The following AUH variants were observed in gnomAD, a reference collection of about 807,000 sequenced individuals.
AUH encodes AU RNA binding methylglutaconyl-CoA hydratase.
Under a neutral mutation model 42.3 loss-of-function variants are expected in AUH, and 29 were observed. The observed-to-expected ratio is 0.69, with a 90% confidence interval of 0.51 to 0.93. AUH has a LOEUF of 0.93. Among genes scored for constraint, AUH ranks in the 40% least tolerant of loss-of-function variants. AUH has a pLI of 0.00. For missense variants in AUH, 452 were observed against 438.1 expected, an observed-to-expected ratio of 1.03 and a Z score of -0.28; for synonymous variants, 174 against 166.4, an observed-to-expected ratio of 1.05 and a Z score of -0.35.
intron 6 of AUH, among the ~76,000 whole-genome samples, chr9:91,282,966 GC>G (rs1826094547): frequency 6.6e-6 from 1 of 152,144 alleles, no homozygotes; most frequent in Non-Finnish European, 1.5e-5. Context: ...ATTTTATGAG[GC>G]CAGCATCATC....
intron 6 of AUH, among the ~76,000 whole-genome samples, chr9:91,288,681 AACT>A (rs1487250578): frequency 2.0e-5 from 3 of 152,170 alleles, no homozygotes; most frequent in Admixed American, 2.0e-4. Context: ...CATCTGATAT[AACT>A]ACTACTTAAG....
chr9:91,217,351 G>GGTCCCTAA (rs1160920225), intron 7 of AUH, 24 bp from the exon 8 acceptor site: 7 of 1,604,178 alleles, frequency 4.4e-6, no homozygotes, highest in Non-Finnish European at 6.0e-6. Context: ...TAAAGAAACA[G>GGTCCCTAA]ACTTCAATTA....
intron 6 of AUH, among the ~76,000 whole-genome samples, chr9:91,275,987 T>C (rs1252876982): frequency 6.6e-6 from 1 of 152,102 alleles, no homozygotes; most frequent in Non-Finnish European, 1.5e-5. Context: ...CTTTCTAAAA[T>C]ACAGCTTCAT....
At chr9:91,340,852 C>T (rs912149123) in intron 3 of AUH, among the ~76,000 whole-genome samples, 3 of 152,088 alleles carry the variant, frequency 2.0e-5, no homozygotes, top group African/African-American at 7.2e-5. Flanking sequence ...CCAGTCTGCA[C>T]CCAGCTTTTA....
chr9:91,283,809 A>C (rs920308146), intron 6 of AUH, among the ~76,000 whole-genome samples: 3 of 152,230 alleles, frequency 2.0e-5, no homozygotes, highest in African/African-American at 7.2e-5. Context: ...AATGAATAAA[A>C]GAGGACACAA....
intron 3 of AUH, among the ~76,000 whole-genome samples, chr9:91,334,903 C>G (rs1286590609): frequency 6.6e-6 from 1 of 152,154 alleles, no homozygotes; most frequent in African/African-American, 2.4e-5. Context: ...GCCAAATAAT[C>G]AGGTCAAGAT....
In AUH at chr9:91,287,559, G is replaced by A. The variant is rs545693563; in HGVS notation, c.655+8462C>T. ...AATATTTGAGGAAGCTGGGTAAAGC[G>A]TACATAAGAGTGATTTATACTATCT... is the stretch of plus-strand genomic sequence containing the variant. On this transcript the variant is annotated intron_variant, in intron 6 of 9. Transcript: ENST00000375731. Among the ~76,000 whole-genome samples the A allele has an allele frequency of 4.6e-5, 7 of 152,212 alleles. No individual in the cohort carries two copies. In the South Asian group the frequency reaches 1.0e-3, roughly 23 times the overall value.
At chr9:91,327,592 T>A (rs984576757) in intron 3 of AUH, among the ~76,000 whole-genome samples, 3 of 152,184 alleles carry the variant, frequency 2.0e-5, no homozygotes, top group African/African-American at 7.2e-5. Flanking sequence ...TTACTCACTC[T>A]CTGGTGTCCA....
At chr9:91,221,116 G>C (rs371395176) in intron 6 of AUH, 124 bp from the exon 7 acceptor site, 3 of 1,055,850 alleles carry the variant, frequency 2.8e-6, no homozygotes, top group African/African-American at 3.2e-5. Flanking sequence ...AAAATTAGTA[G>C]CTGGAAAACT....
intron 4 of AUH, among the ~76,000 whole-genome samples, chr9:91,314,003 G>A (rs1019629453): frequency 1.3e-5 from 2 of 151,720 alleles, no homozygotes; most frequent in South Asian, 2.1e-4. Flanking sequence ...TCTGTACTTC[G>A]AGTAGAGATG....
Position 91,361,608 on chromosome 9 carries a change from G to A in AUH, c.262+20C>T. The A allele has an allele frequency of 6.4e-7, 1 of 1,571,538 alleles. No individual in the cohort carries two copies. Among genetic ancestry groups the A allele is most frequent in the Non-Finnish European group, 8.6e-7 (1 of 1,159,396 alleles). ...AGCGGCCGCCCGCTGCCCCGCGCCT[G>A]CCCAGCGTTCGCACCTCACCTCGGT... On this transcript the variant is annotated intron_variant, in intron 1 of 9. Coordinates refer to ENST00000375731, the MANE Select transcript of AUH (RefSeq NM_001698.3).
At chr9:91,257,166 T>C (rs1026236590) in intron 6 of AUH, among the ~76,000 whole-genome samples, 2 of 152,062 alleles carry the variant, frequency 1.3e-5, no homozygotes, top group Non-Finnish European at 2.9e-5. Flanking sequence ...AATGGTTACG[T>C]TGATCTAGCT....
rs1828706035 is a variant in AUH at position 91,244,798 on chromosome 9, A to G, written c.656-23806T>C. Among the ~76,000 whole-genome samples the G allele has an allele frequency of 2.0e-5, 3 of 152,214 alleles. No homozygotes were observed. In the South Asian group the frequency reaches 6.2e-4, roughly 32 times the overall value. On this transcript the variant is annotated intron_variant, in intron 6 of 9. Transcript: ENST00000375731. Reference sequence around the variant, plus strand: ...TACTGCTCTCCTAGCAAGAACCATCAAAGTATTGTCACTGTACAAAATATG... The same window carrying G: ...TACTGCTCTCCTAGCAAGAACCATCGAAGTATTGTCACTGTACAAAATATG...
At chr9:91,278,166 T>A (rs1825692006) in intron 6 of AUH, among the ~76,000 whole-genome samples, 1 of 152,200 alleles carries the variant, frequency 6.6e-6, no homozygotes, top group Admixed American at 6.5e-5. Flanking sequence ...ACAATAGCAC[T>A]GCCACACAAG....
At chr9:91,250,953 A>G (rs1424137444) in intron 6 of AUH, among the ~76,000 whole-genome samples, 3 of 152,204 alleles carry the variant, frequency 2.0e-5, no homozygotes, top group Non-Finnish European at 4.4e-5. Context: ...TAAGTATTTG[A>G]TAAAGAGAAG....
intron 6 of AUH, among the ~76,000 whole-genome samples, chr9:91,225,136 A>T (rs1036525134): frequency 1.3e-5 from 2 of 152,198 alleles, no homozygotes; most frequent in African/African-American, 4.8e-5. Context: ...GAAACTCAGT[A>T]TTCTTGCTGG....
chr9:91,290,298 T>C (rs1264587862), intron 6 of AUH, among the ~76,000 whole-genome samples: 2 of 152,010 alleles, frequency 1.3e-5, no homozygotes, highest in Non-Finnish European at 2.9e-5. Flanking sequence ...GTGCCTATAG[T>C]CCCAGCTACT....
At chr9:91,313,533 G>A (rs935424436) in intron 4 of AUH, among the ~76,000 whole-genome samples, 4 of 150,724 alleles carry the variant, frequency 2.7e-5, no homozygotes, top group Non-Finnish European at 4.4e-5. Context: ...GTGAAACCCC[G>A]TCTCTACTAA....
At chr9:91,269,362 TA>T (rs1450858364) in intron 6 of AUH, among the ~76,000 whole-genome samples, 1 of 152,226 alleles carries the variant, frequency 6.6e-6, no homozygotes, top group Non-Finnish European at 1.5e-5. Context: ...CAGAAACACT[TA>T]CGTGTCTGGA....
Sources: allele counts gnomAD v4.1 joint callset (sites outside exome capture counted in the v4.1 genomes callset), GRCh38; gene constraint gnomAD v4.1.1; transcripts MANE v1.5; gene names NCBI Gene and HGNC (gene_info 2026-07-23, HGNC 2026-07-21).